Variants in DPP10 observed in about 807,000 individuals in gnomAD.
The protein encoded by DPP10 is dipeptidyl peptidase like 10.
Under a neutral mutation model 120.9 loss-of-function variants are expected in DPP10, and 33 were observed. The observed-to-expected ratio is 0.27, with a 90% CI of 0.21 to 0.37. The LOEUF is 0.37. DPP10 is among the 10% of genes least tolerant of loss of function. The pLI, the probability that DPP10 is intolerant of heterozygous loss-of-function variation, is 1.00. For synonymous variants in DPP10, 337 were observed against 326.1 expected, an observed-to-expected ratio of 1.03 and a Z score of -0.36; for missense variants, 816 against 942.8, an observed-to-expected ratio of 0.87 and a Z score of 1.76.
chr2:115,643,809 G>A (rs1333604658), intron 5 of DPP10, among the ~76,000 whole-genome samples: 1 of 152,132 alleles, frequency 6.6e-6, no homozygotes, highest in Non-Finnish European at 1.5e-5. Context: ...TGTACCAGTT[G>A]CTGATGAGCT....
intron 1 of DPP10, among the ~76,000 whole-genome samples, chr2:115,285,118 A>C (rs1463253452): frequency 6.6e-6 from 1 of 152,012 alleles, no homozygotes; most frequent in Non-Finnish European, 1.5e-5. Context: ...GTGAATGAGA[A>C]AGCTAAGACT....
chr2:115,541,959 A>G (rs1043855390), intron 5 of DPP10, among the ~76,000 whole-genome samples: 6 of 151,984 alleles, frequency 3.9e-5, no homozygotes, highest in African/African-American at 1.4e-4. Flanking sequence ...ATGAGTATAG[A>G]GACCTTTGTA....
At chr2:114,674,314 A>G (rs1698534681) in intron 1 of DPP10, among the ~76,000 whole-genome samples, 1 of 151,996 alleles carries the variant, frequency 6.6e-6, no homozygotes, top group Non-Finnish European at 1.5e-5. Flanking sequence ...AAAAACTATC[A>G]CATTATTTTT....
chr2:115,489,396 C>T (rs7595239), intron 3 of DPP10, among the ~76,000 whole-genome samples: 1,794 of 151,968 alleles, frequency 0.012, 37 homozygotes, highest in African/African-American at 0.04. Flanking sequence ...ACCTGAAAAC[C>T]TGAATTCCTG....
At position 114,834,491 on chromosome 2, in the gene DPP10, C is replaced by CCATATCTACGCACCTATGTATATATAAGA. The variant is rs1357323808; in HGVS notation, c.60+391682_60+391710dup. On this transcript the variant is annotated intron_variant, in intron 1 of 25. Coordinates refer to ENST00000410059, the MANE Select transcript of DPP10 (RefSeq NM_020868.6). ...ATCTACACACCTATGTATATATAAGCCATATCTACGCACCTATGTATATAT... is the reference window on the plus strand; with the variant it reads ...ATCTACACACCTATGTATATATAAGCCATATCTACGCACCTATGTATATATAAGACATATCTACGCACCTATGTATATAT... Among the ~76,000 whole-genome samples the CCATATCTACGCACCTATGTATATATAAGA allele has an allele frequency of 3.4e-3, 506 of 149,232 alleles. 1 individual carries two copies. Among genetic ancestry groups the CCATATCTACGCACCTATGTATATATAAGA allele is most frequent in the African/African-American group, 0.01 (406 of 40,204 alleles).
At chr2:115,143,726 C>T (rs1559142197) in intron 1 of DPP10, among the ~76,000 whole-genome samples, 1 of 152,110 alleles carries the variant, frequency 6.6e-6, no homozygotes, top group Non-Finnish European at 1.5e-5. Context: ...TATCTGATAG[C>T]ATAAAGGTAT....
chr2:114,868,044 ATCT>A (rs1236134406), intron 1 of DPP10, among the ~76,000 whole-genome samples: 2 of 152,258 alleles, frequency 1.3e-5, no homozygotes, highest in African/African-American at 4.8e-5. Context: ...AGACACTCAC[ATCT>A]TCTGGTAGAT....
rs573750638 is a variant in DPP10, at chr2:114,838,243, T to TAATAGC, written c.60+395407_60+395412dup. ...ACATGGATGGATACCTGGTGAGAAC[T>TAATAGC]AATAGCATATGCCACAGATTCTATA... On this transcript the variant is annotated intron_variant, in intron 1 of 25. Transcript: ENST00000410059. 1.6e-3 allele frequency among the ~76,000 whole-genome samples: 247 copies of TAATAGC among 152,348 alleles called. 2 individuals are homozygous for TAATAGC. The highest frequency in any genetic ancestry group is 5.7e-3 in the African/African-American group (237 of 41,594).
At chr2:114,848,802 G>C (rs954748772) in intron 1 of DPP10, among the ~76,000 whole-genome samples, 8 of 152,188 alleles carry the variant, frequency 5.3e-5, no homozygotes, top group African/African-American at 1.9e-4. Context: ...ACCTCTATGG[G>C]AGTCTGTTCA....
chr2:115,146,805 A>C (rs948439747), intron 1 of DPP10, among the ~76,000 whole-genome samples: 3 of 152,162 alleles, frequency 2.0e-5, no homozygotes, highest in Non-Finnish European at 4.4e-5. Context: ...AACACTTTAG[A>C]CAGGTAGCTT....
Position 115,213,542 on chromosome 2 carries a change from C to T in DPP10, c.61-95697C>T, listed in dbSNP as rs565084752. On this transcript the variant is annotated intron_variant, in intron 1 of 25. Transcript: ENST00000410059. Reference sequence around the variant, plus strand: ...GCTCTTTTTAGACTAAAGTCTTTTTCTTTTCTATTTATTTGTTCCTCTGAC... The same window carrying T: ...GCTCTTTTTAGACTAAAGTCTTTTTTTTTTCTATTTATTTGTTCCTCTGAC... 3.2e-4 allele frequency among the ~76,000 whole-genome samples: 48 copies of T among 152,060 alleles called. 3 individuals are homozygous for T. The South Asian group carries it at 1.0e-2, about 32-fold the overall frequency.
At chr2:115,828,527 T>G (rs1205197654) in intron 21 of DPP10, among the ~76,000 whole-genome samples, 1 of 152,120 alleles carries the variant, frequency 6.6e-6, no homozygotes, top group Non-Finnish European at 1.5e-5. Flanking sequence ...CCAAACTCAC[T>G]AATATGCTGT....
At chr2:115,447,494 G>A (rs760820393) in intron 3 of DPP10, among the ~76,000 whole-genome samples, 1 of 152,124 alleles carries the variant, frequency 6.6e-6, no homozygotes, top group Non-Finnish European at 1.5e-5. Flanking sequence ...TTGTCCCTGT[G>A]TTCCTACCCA....
At chr2:114,550,551 G>T (rs184450921) in intron 1 of DPP10, among the ~76,000 whole-genome samples, 30 of 152,324 alleles carry the variant, frequency 2.0e-4, no homozygotes, top group African/African-American at 7.0e-4. Flanking sequence ...GGAGTGCTCT[G>T]TATGAATCAG....
intron 3 of DPP10, among the ~76,000 whole-genome samples, chr2:115,388,422 T>G (rs1325115797): frequency 6.6e-6 from 1 of 152,096 alleles, no homozygotes; most frequent in Admixed American, 6.6e-5. Context: ...AGATCAAGGG[T>G]AGGAGCCTTG....
chr2:114,518,951 C>T lies in DPP10; in HGVS notation c.60+76113C>T, dbSNP rs141570618. Among the ~76,000 whole-genome samples, 667 of 152,206 alleles carry T rather than the reference C, an allele frequency of 4.4e-3. 7 individuals carry two copies. Among genetic ancestry groups the T allele is most frequent in the African/African-American group, 0.015 (642 of 41,528 alleles). On this transcript the variant is annotated intron_variant, in intron 1 of 25. Transcript: ENST00000410059. The stretch of plus-strand genomic sequence containing the variant: ...CAGCAGCTCCCATCTGAGCCCTGAG[C>T]GACTCCAGTTTTATTAGTTTTTATC...
chr2:115,560,776 A>T (rs1483616099), intron 5 of DPP10, among the ~76,000 whole-genome samples: 1 of 151,968 alleles, frequency 6.6e-6, no homozygotes, highest in Non-Finnish European at 1.5e-5. Context: ...GGGTGTTTTA[A>T]TATTAAACTC....
At chr2:114,708,104 A>G (rs1045566533) in intron 1 of DPP10, among the ~76,000 whole-genome samples, 1 of 152,212 alleles carries the variant, frequency 6.6e-6, no homozygotes, top group African/African-American at 2.4e-5. Context: ...GATAGGAGTC[A>G]GGCAAAGCAA....
At chr2:115,840,209 T>C (rs962102035) in intron 24 of DPP10, among the ~76,000 whole-genome samples, 9 of 151,588 alleles carry the variant, frequency 5.9e-5, no homozygotes, top group African/African-American at 1.9e-4. Flanking sequence ...AAGTAGGACT[T>C]AGTTGTAGCT....
Sources: allele counts gnomAD v4.1 joint callset (sites outside exome capture counted in the v4.1 genomes callset), GRCh38; gene constraint gnomAD v4.1.1; transcripts MANE v1.5; gene names NCBI Gene and HGNC (gene_info 2026-07-23, HGNC 2026-07-21).